The following CD109 variants were observed in gnomAD, a reference collection of about 807,000 sequenced individuals.
CD109 encodes CD109 antigen.
In CD109, 149 loss-of-function variants were observed where a neutral mutation model predicts 165.8. The observed-to-expected ratio is 0.90, with a 90% confidence interval of 0.79 to 1.03. The LOEUF (loss-of-function observed/expected upper bound fraction) is 1.03, where lower values mean the gene tolerates loss of function less well. Ranked by LOEUF, CD109 falls within the 50% of genes least tolerant of loss-of-function variation. CD109 has a pLI of 0.00. For missense variants in CD109, 1,712 were observed against 1,677.8 expected, an observed-to-expected ratio of 1.02 and a Z score of -0.36; for synonymous variants, 585 against 592.1, an observed-to-expected ratio of 0.99 and a Z score of 0.18.
chr6:73,751,172 T>C (rs1262615314), intron 5 of CD109, among the ~76,000 whole-genome samples: 1 of 152,194 alleles, frequency 6.6e-6, no homozygotes, highest in African/African-American at 2.4e-5. Flanking sequence ...CTAATATTTG[T>C]CCTGCAAAAA....
chr6:73,679,221 T>G, the CD109 span, among the ~76,000 whole-genome samples: 1 of 152,126 alleles, frequency 6.6e-6, no homozygotes, highest in Non-Finnish European at 1.5e-5. Flanking sequence ...GGCAAGTGTG[T>G]GTGAACAACG....
At chr6:73,760,518 A>G (rs1232679629) in intron 7 of CD109, among the ~76,000 whole-genome samples, 1 of 151,810 alleles carries the variant, frequency 6.6e-6, no homozygotes, top group Non-Finnish European at 1.5e-5. Flanking sequence ...ATTAATACAT[A>G]GAAAGAAAAG....
chr6:73,714,239 G>C (rs952711194), intron 2 of CD109, among the ~76,000 whole-genome samples: 1 of 152,168 alleles, frequency 6.6e-6, no homozygotes, highest in African/African-American at 2.4e-5. Context: ...TGTTGTGCCC[G>C]ACTGCCTTCA....
chr6:73,782,444 T>G (rs537252356), intron 17 of CD109, among the ~76,000 whole-genome samples, 170 bp from the exon 18 acceptor site: 2 of 152,326 alleles, frequency 1.3e-5, no homozygotes, highest in East Asian at 3.9e-4. Context: ...CTTTACCTTT[T>G]CTGAAAACCT....
chr6:73,792,268 A>C (rs1774996628), intron 22 of CD109, among the ~76,000 whole-genome samples: 1 of 152,186 alleles, frequency 6.6e-6, no homozygotes. Flanking sequence ...CGTGAAGAAT[A>C]CTACTAATAA....
intron 10 of CD109, 112 bp downstream of exon 10, chr6:73,763,797 A>T (rs1773732013): frequency 2.0e-6 from 1 of 489,798 alleles, no homozygotes; most frequent in Non-Finnish European, 3.5e-6. Context: ...AAAGTATATA[A>T]CTTTGTCTCT....
At chr6:73,776,801 C>T (rs1393921134) in intron 15 of CD109, among the ~76,000 whole-genome samples, 1 of 151,802 alleles carries the variant, frequency 6.6e-6, no homozygotes, top group African/African-American at 2.4e-5. Flanking sequence ...AAGTGATCCT[C>T]CTGCTTTGGC....
chr6:73,816,851 G>T lies in CD109; in HGVS notation c.3912-1537G>T, dbSNP rs530509853. On this transcript the variant is annotated intron_variant, in intron 30 of 32. Coordinates refer to ENST00000287097, the MANE Select transcript of CD109 (RefSeq NM_133493.5). ...TCAAGTGAAGAAACATGAGAAAAAT[G>T]AGGTGGGGAACCAGAATTCAGACTG... Among the ~76,000 whole-genome samples the T allele has an allele frequency of 3.3e-5, 5 of 152,250 alleles. No homozygotes were observed. In the South Asian group the frequency reaches 6.2e-4, roughly 19 times the overall value.
chr6:73,764,261 G>A (rs1446430032), intron 10 of CD109, among the ~76,000 whole-genome samples: 1 of 152,218 alleles, frequency 6.6e-6, no homozygotes, highest in Non-Finnish European at 1.5e-5. Flanking sequence ...ATTAAGATTA[G>A]TGTTACAAAT....
In CD109 at chr6:73,782,753, G is replaced by A. The variant is rs761567061; in HGVS notation, c.2103G>A (p.Met701Ile). ...PETWIWLDTN[M>I]GYRIYQEFEV... is the part of the protein sequence containing the mutation. Reference sequence around the variant, plus strand: ...CTTGGATTTGGCTAGACACCAACATGGGGTAAAAATTTATAAAGTTCTTTG... The same window carrying A: ...CTTGGATTTGGCTAGACACCAACATAGGGTAAAAATTTATAAAGTTCTTTG... The change falls in exon 18 of 33, where the codon ATG (methionine) becomes ATA (isoleucine). Residue 701 changes from methionine to isoleucine, a missense_variant and splice_region_variant. Coordinates refer to ENST00000287097, the MANE Select transcript of CD109 (RefSeq NM_133493.5). 6.2e-7 allele frequency: 1 copy of A among 1,613,072 alleles called. No homozygotes were observed. Among genetic ancestry groups the A allele is most frequent in the South Asian group, 1.1e-5 (1 of 90,936 alleles).
At chr6:73,767,998 C>A in intron 13 of CD109, 57 bp from the exon 14 acceptor site, 1 of 1,362,658 alleles carries the variant, frequency 7.3e-7, no homozygotes, top group Non-Finnish European at 1.0e-6. Flanking sequence ...AATGTAGCTT[C>A]AGATGAGATC....
At chr6:73,791,124 TATAC>T (rs869120436) in intron 22 of CD109, among the ~76,000 whole-genome samples, 143 of 73,884 alleles carry the variant, frequency 1.9e-3, no homozygotes, top group East Asian at 8.1e-3. Flanking sequence ...GAGGCATATA[TATAC>T]ATACATACAT....
chr6:73,749,442 G>A (rs1207584942), intron 5 of CD109, among the ~76,000 whole-genome samples: 4 of 152,184 alleles, frequency 2.6e-5, no homozygotes, highest in Non-Finnish European at 5.9e-5. Flanking sequence ...CTGGGAGCAG[G>A]CACTGGCTGG....
intron 24 of CD109, 77 bp downstream of exon 24, chr6:73,803,378 C>G: frequency 1.0e-6 from 1 of 992,100 alleles, no homozygotes; most frequent in Admixed American, 2.0e-5. Flanking sequence ...ACGAAATTGA[C>G]AGATATATCT....
At position 73,783,720 on chromosome 6, in the gene CD109, C is replaced by G. The variant is rs781614716; in HGVS notation, c.2119C>G (p.Gln707Glu). 5 of 1,602,800 alleles carry G rather than the reference C, an allele frequency of 3.1e-6. No individual in the cohort carries two copies. Among genetic ancestry groups the G allele is most frequent in the Non-Finnish European group, 4.3e-6 (5 of 1,170,432 alleles). Reference protein sequence around the residue: ...LDTNMGYRIYQEFEVTVPDSI... With the variant: ...LDTNMGYRIYEEFEVTVPDSI... ...TCTTGACTTCAGTTACAGGATTTAC[C>G]AAGAATTTGAAGTAACTGTACCTGA... Residue 707 changes from glutamine to glutamate, a missense_variant, in exon 19 of 33, where the codon CAA becomes GAA. By Grantham distance (29) the Gln-to-Glu change is conservative. Coordinates refer to ENST00000287097, the MANE Select transcript of CD109 (RefSeq NM_133493.5).
In CD109 at chr6:73,827,570, T is replaced by G. The variant is rs1418614533; in HGVS notation, c.*3937T>G. ...TTTGAATAGAGGACCATTATCCTTCTTTCTTCAGAAAACTAAGAAGTAAGT... is the reference window on the plus strand; with the variant it reads ...TTTGAATAGAGGACCATTATCCTTCGTTCTTCAGAAAACTAAGAAGTAAGT... On this transcript the variant is annotated 3_prime_UTR_variant, in exon 33 of 33. Transcript: ENST00000287097. 1.3e-5 allele frequency: 2 copies of G among 152,224 alleles called. No individual in the cohort carries two copies. The highest frequency in any genetic ancestry group is 2.9e-5 in the Non-Finnish European group (2 of 68,028). The allele number at this position is 152,224 out of a possible 1,614,324, so 9.4% of individuals were successfully genotyped here.
chr6:73,722,192 T>C (rs1771978775), intron 2 of CD109, among the ~76,000 whole-genome samples: 1 of 152,218 alleles, frequency 6.6e-6, no homozygotes, highest in Non-Finnish European at 1.5e-5. Context: ...GCATATGACA[T>C]CCTCAATGGA....
intron 32 of CD109, among the ~76,000 whole-genome samples, chr6:73,821,169 G>A (rs1776095282): frequency 1.3e-5 from 2 of 152,190 alleles, no homozygotes; most frequent in African/African-American, 4.8e-5. Flanking sequence ...GGGGTTGGGG[G>A]AGGAGGGAGG....
At chr6:73,724,678 A>G (rs1286726446) in intron 3 of CD109, among the ~76,000 whole-genome samples, 1 of 151,354 alleles carries the variant, frequency 6.6e-6, no homozygotes, top group Non-Finnish European at 1.5e-5. Flanking sequence ...CAGTGGCACA[A>G]TCATGGCTCA....
Sources: gnomAD v4.1 joint callset for allele counts (sites outside exome capture counted in the v4.1 genomes callset) on GRCh38, gnomAD v4.1.1 for gene constraint, MANE v1.5 for transcripts, NCBI Gene and HGNC (gene_info 2026-07-23, HGNC 2026-07-21) for gene names.